Variants in PCBP3 observed in about 807,000 individuals in gnomAD.
PCBP3 encodes poly(rC)-binding protein 3.
In PCBP3, 25 loss-of-function variants were observed where a neutral mutation model predicts 52.7. That is an observed-to-expected ratio of 0.47 (90% CI 0.35 to 0.66). The LOEUF (loss-of-function observed/expected upper bound fraction) is 0.66, where lower values mean the gene tolerates loss of function less well. PCBP3 is among the 30% of genes least tolerant of loss of function. The pLI is 0.01. For missense variants in PCBP3, 391 were observed against 490.3 expected, an observed-to-expected ratio of 0.80 and a Z score of 1.91; for synonymous variants, 162 against 183.0, an observed-to-expected ratio of 0.89 and a Z score of 0.93.
intron 9 of PCBP3, among the ~76,000 whole-genome samples, chr21:45,905,164 C>T (rs2096168497): frequency 6.6e-6 from 1 of 152,168 alleles, no homozygotes; most frequent in African/African-American, 2.4e-5. Context: ...TCCAGAGATC[C>T]AAACTTCGAG....
chr21:45,832,420 T>C (rs888940316), intron 4 of PCBP3, among the ~76,000 whole-genome samples: 67 of 152,206 alleles, frequency 4.4e-4, no homozygotes, highest in African/African-American at 1.6e-3. Flanking sequence ...CATCTGGGAA[T>C]GCAGCCCAAC....
At chr21:45,654,407 C>G (rs1465693734) in intron 1 of PCBP3, among the ~76,000 whole-genome samples, 1 of 134,752 alleles carries the variant, frequency 7.4e-6, no homozygotes, top group Non-Finnish European at 1.5e-5. Context: ...GTGACGTGAT[C>G]TCAGCTCACT....
chr21:45,775,170 A>G (rs1249704285), intron 4 of PCBP3, among the ~76,000 whole-genome samples: 5 of 152,114 alleles, frequency 3.3e-5, no homozygotes, highest in Non-Finnish European at 5.9e-5. Context: ...GGCTTTTACT[A>G]CTGATTCAGT....
intron 2 of PCBP3, among the ~76,000 whole-genome samples, chr21:45,731,193 TG>T (rs1352476493): frequency 6.6e-6 from 1 of 152,168 alleles, no homozygotes; most frequent in East Asian, 1.9e-4. Flanking sequence ...ACACAATGGG[TG>T]GGTTCAATTG....
chr21:45,811,288 C>T (rs1181990127), intron 4 of PCBP3, among the ~76,000 whole-genome samples: 4 of 152,164 alleles, frequency 2.6e-5, no homozygotes, highest in East Asian at 2.0e-4. Flanking sequence ...CTGGGCTCTC[C>T]GCAGCAGTGC....
chr21:45,690,468 A>T (rs374340661), intron 2 of PCBP3, among the ~76,000 whole-genome samples: 1 of 152,188 alleles, frequency 6.6e-6, no homozygotes, highest in Middle Eastern at 3.2e-3. Context: ...CAAAAGAAAA[A>T]CTAATTTACA....
chr21:45,932,874 C>T (rs4819170), intron 15 of PCBP3, among the ~76,000 whole-genome samples: 38,127 of 150,358 alleles, frequency 0.25, 4,766 homozygotes, highest in Middle Eastern at 0.35. Flanking sequence ...TGGATGGACA[C>T]CTGGTCCATG....
At chr21:45,750,487 C>T (rs1253556613) in intron 3 of PCBP3, 2 of 147,376 alleles carry the variant, frequency 1.4e-5, no homozygotes, top group Admixed American at 7.1e-5. Context: ...GGATTTTGTG[C>T]TCAAATTCTC....
At chr21:45,850,211 C>T (rs923337013) in intron 5 of PCBP3, 116 bp downstream of exon 5, 12 of 858,798 alleles carry the variant, frequency 1.4e-5, no homozygotes, top group Non-Finnish European at 2.1e-5. Flanking sequence ...CTGTATTTCA[C>T]CCTGCTTCAG....
At chr21:45,745,067 C>A (rs2086727934) in intron 3 of PCBP3, among the ~76,000 whole-genome samples, 1 of 152,076 alleles carries the variant, frequency 6.6e-6, no homozygotes, top group Non-Finnish European at 1.5e-5. Flanking sequence ...ACAGTGTGAG[C>A]AGTGGAGAAG....
chr21:45,853,100 G>GC lies in PCBP3; in HGVS notation c.10+3007dup, dbSNP rs1462949457. ...GATGCGGAAAGTGCACATGCCGCTG[G>GC]CCAGAGGGGGTGGGCTGGCATGTCT... On this transcript the variant is annotated intron_variant, in intron 5 of 17. Coordinates refer to ENST00000681687, the MANE Select transcript of PCBP3 (RefSeq NM_001384156.1). This position sits in a 1 kb window ranked among gnomAD's most constrained non-coding sequence, Gnocchi z 4.6. Among the ~76,000 whole-genome samples, 1 of 152,154 alleles carries GC rather than the reference G, an allele frequency of 6.6e-6. No homozygotes were observed. Among genetic ancestry groups the GC allele is most frequent in the Non-Finnish European group, 1.5e-5 (1 of 68,024 alleles).
intron 6 of PCBP3, among the ~76,000 whole-genome samples, chr21:45,898,695 G>A (rs370778337): frequency 9.3e-4 from 30 of 32,228 alleles, no homozygotes; most frequent in African/African-American, 3.2e-3. Context: ...GGGCCCCTCT[G>A]CACGCCGTCC....
Position 45,900,989 on chromosome 21 carries a change from C to A in PCBP3, c.223-8C>A. 1 of 1,605,538 alleles carries A rather than the reference C, an allele frequency of 6.2e-7. No individual in the cohort carries two copies. The highest frequency in any genetic ancestry group is 8.5e-7 in the Non-Finnish European group (1 of 1,172,208). On this transcript the variant is annotated splice_region_variant and splice_polypyrimidine_tract_variant and intron_variant, in intron 8 of 17. Coordinates refer to ENST00000681687, the MANE Select transcript of PCBP3 (RefSeq NM_001384156.1). ...CAGGTCGCTGGGGTTTCTCTGCTCT[C>A]ACCTTAGAGTGGTGCAAGGATCAAC...
At chr21:45,935,566 G>A (rs1387741034) in intron 16 of PCBP3, 1 of 591,428 alleles carries the variant, frequency 1.7e-6, no homozygotes, top group Non-Finnish European at 3.2e-6. Flanking sequence ...TCAGTAGTCA[G>A]ATGAGAGTTG....
intron 15 of PCBP3, among the ~76,000 whole-genome samples, chr21:45,933,207 G>C (rs909587024): frequency 1.3e-5 from 2 of 149,806 alleles, no homozygotes; most frequent in African/African-American, 5.1e-5. Flanking sequence ...GGGCCATGCT[G>C]TCCTGAGACG....
At chr21:45,693,718 G>A (rs2082615243) in intron 2 of PCBP3, among the ~76,000 whole-genome samples, 1 of 151,938 alleles carries the variant, frequency 6.6e-6, no homozygotes, top group African/African-American at 2.4e-5. Flanking sequence ...AAAAATGAAG[G>A]GCAACATAAA....
At chr21:45,734,342 A>G (rs1457977261) in intron 2 of PCBP3, among the ~76,000 whole-genome samples, 1 of 152,148 alleles carries the variant, frequency 6.6e-6, no homozygotes, top group Non-Finnish European at 1.5e-5. Context: ...ACTCACTCAC[A>G]TGTGCCCATC....
chr21:45,862,540 G>GT (rs1375715982), intron 5 of PCBP3, among the ~76,000 whole-genome samples: 1 of 152,032 alleles, frequency 6.6e-6, no homozygotes, highest in African/African-American at 2.4e-5. Context: ...TCAGTGACAG[G>GT]TTTTTCTTTT....
intron 11 of PCBP3, chr21:45,911,388 T>A: frequency 4.3e-6 from 1 of 230,404 alleles, no homozygotes; most frequent in Non-Finnish European, 8.7e-6. Flanking sequence ...GAGTCAGGCC[T>A]TGGGGGGCAG....
Sources: gnomAD v4.1 joint callset for allele counts (sites outside exome capture counted in the v4.1 genomes callset) on GRCh38, gnomAD v4.1.1 for gene constraint, Gnocchi (gnomAD v3.1) non-coding constraint, MANE v1.5 for transcripts, NCBI Gene and HGNC (gene_info 2026-07-23, HGNC 2026-07-21) for gene names.